The following OR2L13 variants were observed in gnomAD, a reference collection of about 807,000 sequenced individuals.
OR2L13 encodes the protein olfactory receptor 2L13.
Under a neutral mutation model 15.3 loss-of-function variants are expected in OR2L13, and 14 were observed. That is an observed-to-expected ratio of 0.91 (90% CI 0.60 to 1.43). OR2L13 has a LOEUF of 1.43. Ranked by LOEUF, OR2L13 falls within the 40% of genes most tolerant of loss-of-function variation. The pLI is 0.00. For synonymous variants in OR2L13, 152 were observed against 142.9 expected (o/e 1.06, Z -0.45); for missense variants, 367 against 387.9 (o/e 0.95, Z 0.45).
At chr1:247,992,061 T>C in the OR2L13 span, among the ~76,000 whole-genome samples, 6 of 149,264 alleles carry the variant, frequency 4.0e-5, 1 homozygote, top group African/African-American at 1.2e-4. Flanking sequence ...TGGTTTTTTT[T>C]CTGCCTCTGC....
chr1:247,983,060 AT>A, the OR2L13 span, among the ~76,000 whole-genome samples: 4 of 152,148 alleles, frequency 2.6e-5, no homozygotes, highest in African/African-American at 9.7e-5. Flanking sequence ...GTATATGTGT[AT>A]ATCAACTTAT....
At chr1:247,986,041 T>G in the OR2L13 span, among the ~76,000 whole-genome samples, 1 of 152,198 alleles carries the variant, frequency 6.6e-6, no homozygotes, top group African/African-American at 2.4e-5. Flanking sequence ...TGCAAAAAAT[T>G]TCTCCCATTC....
the OR2L13 span, among the ~76,000 whole-genome samples, chr1:247,953,246 C>T: frequency 6.6e-6 from 1 of 152,048 alleles, no homozygotes; most frequent in Non-Finnish European, 1.5e-5. Context: ...GTTCATTGTG[C>T]CTCGTTTTAG....
upstream of OR2L13, among the ~76,000 whole-genome samples, chr1:248,093,933 G>A (rs1664659907): frequency 6.6e-6 from 1 of 152,090 alleles, no homozygotes; most frequent in South Asian, 2.1e-4. Flanking sequence ...GAGTAGAGTG[G>A]GGAATAAACT....
the OR2L13 span, among the ~76,000 whole-genome samples, chr1:248,001,780 A>G: frequency 6.6e-6 from 1 of 152,080 alleles, no homozygotes; most frequent in Non-Finnish European, 1.5e-5. Flanking sequence ...AAAAGATGAT[A>G]CATTGGCAGT....
the OR2L13 span, chr1:247,991,112 C>T: frequency 2.5e-6 from 4 of 1,605,776 alleles, no homozygotes; most frequent in African/African-American, 1.3e-5. Flanking sequence ...ATCCTCACTC[C>T]AATGCTCAAC....
the OR2L13 span, among the ~76,000 whole-genome samples, chr1:248,055,373 T>A: frequency 3.9e-5 from 6 of 152,186 alleles, no homozygotes; most frequent in Non-Finnish European, 7.4e-5. Context: ...CATTGCATTG[T>A]TCATCAGGGA....
chr1:248,056,646 C>G, the OR2L13 span, among the ~76,000 whole-genome samples: 1 of 146,996 alleles, frequency 6.8e-6, no homozygotes, highest in Non-Finnish European at 1.5e-5. Flanking sequence ...GTTCTATTTC[C>G]CTGTAGTTGT....
At chr1:248,021,917 C>T in the OR2L13 span, 1 of 1,557,772 alleles carries the variant, frequency 6.4e-7, no homozygotes. Context: ...ACCCTTGTGT[C>T]TCCCTTCAGG....
chr1:248,069,312 C>T, the OR2L13 span, among the ~76,000 whole-genome samples: 9 of 152,196 alleles, frequency 5.9e-5, no homozygotes, highest in African/African-American at 1.4e-4. Context: ...AGAGTGGGGG[C>T]CAATATTCAA....
At chr1:248,038,610 A>G in the OR2L13 span, 17 of 1,614,172 alleles carry the variant, frequency 1.1e-5, no homozygotes, top group Non-Finnish European at 1.3e-5. Context: ...GCTGCTCCTG[A>G]CATCAATGGC....
At chr1:247,955,954 C>T in the OR2L13 span, among the ~76,000 whole-genome samples, 2 of 149,554 alleles carry the variant, frequency 1.3e-5, no homozygotes, top group African/African-American at 4.9e-5. Flanking sequence ...TTAATTAGAT[C>T]CCATTTGTCA....
the OR2L13 span, among the ~76,000 whole-genome samples, chr1:248,028,808 G>A: frequency 6.6e-6 from 1 of 152,132 alleles, no homozygotes; most frequent in East Asian, 1.9e-4. Flanking sequence ...AGTCTTCCTT[G>A]TTTTACAGAA....
the OR2L13 span, chr1:247,966,335 A>G: frequency 4.4e-6 from 7 of 1,608,448 alleles, 1 homozygote; most frequent in East Asian, 1.6e-4. Flanking sequence ...AGATCTCTGT[A>G]TTGATTGAGC....
chr1:248,078,624 C>T, the OR2L13 span, among the ~76,000 whole-genome samples: 1 of 152,000 alleles, frequency 6.6e-6, no homozygotes. Flanking sequence ...GATCGTTATC[C>T]TAGAGAAATA....
At chr1:247,946,362 G>C in the OR2L13 span, among the ~76,000 whole-genome samples, 1 of 151,922 alleles carries the variant, frequency 6.6e-6, no homozygotes, top group Non-Finnish European at 1.5e-5. Context: ...GTAATATGTT[G>C]AACAGAAGCC....
At chr1:247,976,192 A>T in the OR2L13 span, among the ~76,000 whole-genome samples, 1 of 152,198 alleles carries the variant, frequency 6.6e-6, no homozygotes, top group African/African-American at 2.4e-5. Flanking sequence ...AAGAGATTCT[A>T]TAGGAGTTAC....
chr1:248,016,029 C>T, the OR2L13 span, among the ~76,000 whole-genome samples: 1 of 152,132 alleles, frequency 6.6e-6, no homozygotes. Context: ...CTCTTCAAAT[C>T]CTGTGATTCA....
At chr1:247,994,181 G>A in the OR2L13 span, among the ~76,000 whole-genome samples, 1 of 152,076 alleles carries the variant, frequency 6.6e-6, no homozygotes, top group East Asian at 1.9e-4. Flanking sequence ...CGGATCACAG[G>A]GTCAGGAGAT....
Sources: allele counts gnomAD v4.1 joint callset (sites outside exome capture counted in the v4.1 genomes callset), GRCh38; gene constraint gnomAD v4.1.1; transcripts MANE v1.5; gene names NCBI Gene and HGNC (gene_info 2026-07-23, HGNC 2026-07-21).